The following SNX13 variants were observed in gnomAD, a reference collection of about 807,000 sequenced individuals.
The protein encoded by SNX13 is sorting nexin 13, also known as sorting nexin-13.
Under a neutral mutation model 133.6 loss-of-function variants are expected in SNX13, and 45 were observed. That is an observed-to-expected ratio of 0.34 (90% CI 0.27 to 0.43). SNX13 has a LOEUF of 0.43. Ranked by LOEUF, SNX13 falls within the 20% of genes least tolerant of loss-of-function variation. The probability of loss-of-function intolerance (pLI) is 1.00; values close to 1 mark genes in which losing one functional copy is unlikely to be tolerated. For missense variants in SNX13, 1,032 were observed against 1,145.1 expected (o/e 0.90, Z 1.43); for synonymous variants, 414 against 373.9 (o/e 1.11, Z -1.24).
intron 1 of SNX13, among the ~76,000 whole-genome samples, chr7:17,900,427 G>A (rs1260838976): frequency 1.3e-5 from 2 of 152,210 alleles, no homozygotes; most frequent in African/African-American, 4.8e-5. Context: ...TCCTGGGCAG[G>A]TCAAGAGATG....
intron 11 of SNX13, among the ~76,000 whole-genome samples, chr7:17,849,788 C>T (rs1790991760): frequency 6.6e-6 from 1 of 152,190 alleles, no homozygotes; most frequent in African/African-American, 2.4e-5. Context: ...AACAAAAATA[C>T]ATCACAGGAC....
intron 1 of SNX13, 90 bp from the exon 2 acceptor site, chr7:17,897,536 TTTC>T: frequency 1.5e-6 from 1 of 672,374 alleles, no homozygotes; most frequent in South Asian, 3.3e-5. Flanking sequence ...TAGTTTTAAA[TTTC>T]TTCTTGTAAA....
intron 18 of SNX13, among the ~76,000 whole-genome samples, chr7:17,819,209 T>C (rs1279437879): frequency 6.6e-6 from 1 of 152,194 alleles, no homozygotes; most frequent in Non-Finnish European, 1.5e-5. Flanking sequence ...GGAAAATAAA[T>C]GATAGCTCAT....
At chr7:17,807,981 A>C (rs1785516863) in intron 20 of SNX13, among the ~76,000 whole-genome samples, 1 of 152,230 alleles carries the variant, frequency 6.6e-6, no homozygotes. Flanking sequence ...AAAGGTAGAT[A>C]AATTCACGAA....
chr7:17,832,427 C>T (rs542681576), intron 15 of SNX13: 662 of 984,566 alleles, frequency 6.7e-4, no homozygotes, highest in Non-Finnish European at 7.5e-4. Flanking sequence ...GAAGCCCACA[C>T]AATTATTTGG....
intron 7 of SNX13, among the ~76,000 whole-genome samples, chr7:17,874,099 T>C (rs1385320239): frequency 6.6e-6 from 1 of 152,188 alleles, no homozygotes; most frequent in Non-Finnish European, 1.5e-5. Flanking sequence ...CATAAAAGTA[T>C]TGCACATCAG....
intron 16 of SNX13, among the ~76,000 whole-genome samples, chr7:17,826,875 C>T (rs1305231235): frequency 6.6e-6 from 1 of 152,060 alleles, no homozygotes; most frequent in Non-Finnish European, 1.5e-5. Flanking sequence ...GTTAACATGG[C>T]AGCCTGAAAC....
intron 1 of SNX13, among the ~76,000 whole-genome samples, chr7:17,904,020 G>A (rs374480441): frequency 4.6e-5 from 7 of 152,048 alleles, no homozygotes; most frequent in African/African-American, 1.2e-4. Context: ...AAATGACCTC[G>A]ACTTCCATGA....
intron 15 of SNX13, chr7:17,831,046 C>G: frequency 1.0e-6 from 1 of 984,088 alleles, no homozygotes; most frequent in Non-Finnish European, 1.2e-6. Flanking sequence ...AGTTATCTAT[C>G]CTCCTTATTC....
At chr7:17,803,697 A>G (rs1053595593) in intron 20 of SNX13, 117 bp from the exon 21 acceptor site, 1 of 877,838 alleles carries the variant, frequency 1.1e-6, no homozygotes, top group Non-Finnish European at 1.6e-6. Flanking sequence ...TTTCTGGTCT[A>G]TATTATGTCG....
chr7:17,853,760 G>A (rs929502131), intron 9 of SNX13, among the ~76,000 whole-genome samples: 1 of 152,024 alleles, frequency 6.6e-6, no homozygotes, highest in African/African-American at 2.4e-5. Flanking sequence ...TGGCCAAAAT[G>A]GTGAAACCCC....
rs183015978 is a variant in SNX13 at position 17,808,979 on chromosome 7, C to T, written c.2065-5399G>A. Among the ~76,000 whole-genome samples the T allele has an allele frequency of 2.7e-4, 41 of 152,260 alleles. No individual in the cohort carries two copies. In the East Asian group the frequency reaches 7.1e-3, roughly 27 times the overall value. On this transcript the variant is annotated intron_variant, in intron 20 of 25. Coordinates refer to ENST00000428135, the MANE Select transcript of SNX13 (RefSeq NM_015132.5). ...AAGCACTAAACATGGAAAGGAACAA[C>T]CAGTATCAGCCACTGCAAAAACATG...
In SNX13 at chr7:17,794,037, G is replaced by A. The variant is rs1416373723; in HGVS notation, c.*8C>T. On this transcript the variant is annotated 3_prime_UTR_variant, in exon 26 of 26. Coordinates refer to ENST00000428135, the MANE Select transcript of SNX13 (RefSeq NM_015132.5). ...ACAAAATGAACACCAGCTTCATAGA[G>A]TGGAGTGTCACCTTTTCTGCAAAGA... The A allele has an allele frequency of 6.2e-7, 1 of 1,610,284 alleles. No homozygotes were observed. The highest frequency in any genetic ancestry group is 8.5e-7 in the Non-Finnish European group (1 of 1,177,606).
chr7:17,829,596 A>G (rs1788259794), intron 16 of SNX13, among the ~76,000 whole-genome samples: 1 of 151,432 alleles, frequency 6.6e-6, no homozygotes, highest in Non-Finnish European at 1.5e-5. Context: ...TATCCCCACT[A>G]GTTTTGTATT....
intron 1 of SNX13, among the ~76,000 whole-genome samples, chr7:17,935,243 T>G (rs13362827): frequency 6.6e-6 from 1 of 152,202 alleles, no homozygotes; most frequent in Middle Eastern, 3.4e-3. Context: ...GAGAACATCA[T>G]GCTAACTGAA....
At chr7:17,802,999 T>C (rs1235907571) in intron 21 of SNX13, among the ~76,000 whole-genome samples, 1 of 152,178 alleles carries the variant, frequency 6.6e-6, no homozygotes, top group Non-Finnish European at 1.5e-5. Context: ...TTTGATCTGG[T>C]AATCATTCTA....
Position 17,940,301 on chromosome 7 carries a change from C to A in SNX13, c.-6G>T. The A allele has an allele frequency of 6.4e-7, 1 of 1,566,036 alleles. No homozygotes were observed. Among genetic ancestry groups the A allele is most frequent in the Non-Finnish European group, 8.7e-7 (1 of 1,155,372 alleles). On this transcript the variant is annotated 5_prime_UTR_variant, in exon 1 of 26. Coordinates refer to ENST00000428135, the MANE Select transcript of SNX13 (RefSeq NM_015132.5). ...CCGCTTACCTCAGTTAACATTATTA[C>A]ACCCCGGGGAAGTGAGGTCCTCCCT...
At chr7:17,832,441 T>A (rs922334985) in intron 15 of SNX13, 6 of 984,590 alleles carry the variant, frequency 6.1e-6, no homozygotes, top group Non-Finnish European at 7.2e-6. Context: ...TATTTGGTTA[T>A]GACTTTGTCT....
chr7:17,831,846 G>T, intron 15 of SNX13: 1 of 983,664 alleles, frequency 1.0e-6, no homozygotes, highest in Non-Finnish European at 1.2e-6. Flanking sequence ...TATATCAGAA[G>T]CATTACTAGT....
Sources: gnomAD v4.1 joint callset for allele counts (sites outside exome capture counted in the v4.1 genomes callset) on GRCh38, gnomAD v4.1.1 for gene constraint, MANE v1.5 for transcripts, NCBI Gene and HGNC (gene_info 2026-07-23, HGNC 2026-07-21) for gene names.